Variants in PPARGC1A observed in about 807,000 individuals in gnomAD.
PPARGC1A encodes PPARG coactivator 1 alpha.
A neutral mutation model predicts 88.7 loss-of-function variants in PPARGC1A; 25 were observed. That is an observed-to-expected ratio of 0.28 (90% confidence interval 0.21 to 0.39). PPARGC1A has a LOEUF of 0.39. PPARGC1A is among the 10% of genes least tolerant of loss of function. PPARGC1A has a pLI of 1.00. For missense variants in PPARGC1A, 880 were observed against 968.7 expected (o/e 0.91, Z 1.22); for synonymous variants, 363 against 355.6 (o/e 1.02, Z -0.24).
At chr4:24,042,790 TTC>T in the PPARGC1A span, among the ~76,000 whole-genome samples, 2 of 152,232 alleles carry the variant, frequency 1.3e-5, no homozygotes, top group African/African-American at 2.4e-5. Context: ...ATATAAATTA[TTC>T]TCTTTTTTAG....
At chr4:24,255,614 C>T in the PPARGC1A span, among the ~76,000 whole-genome samples, 2 of 152,160 alleles carry the variant, frequency 1.3e-5, no homozygotes, top group Admixed American at 6.5e-5. Context: ...AGAAGCTATA[C>T]CTGTATTTTC....
At chr4:24,450,986 T>G in the PPARGC1A span, among the ~76,000 whole-genome samples, 15 of 152,184 alleles carry the variant, frequency 9.9e-5, no homozygotes, top group Admixed American at 6.5e-4. Context: ...CTCTTCTGAG[T>G]CTGCTCAAAG....
chr4:23,868,570 T>A lies in PPARGC1A; in HGVS notation c.234+16182A>T, dbSNP rs1712567554. Among the ~76,000 whole-genome samples the A allele has an allele frequency of 3.3e-5, 5 of 152,318 alleles. 1 individual carries two copies. The South Asian group carries it at 1.0e-3, about 32-fold the overall frequency. The stretch of plus-strand genomic sequence containing the variant: ...AGGTCCCTCTTTCCCTCATGCAGTT[T>A]ATAATGCACCTTGAGAGATTTAGCC... On this transcript the variant is annotated intron_variant, in intron 2 of 12. Coordinates refer to ENST00000264867, the MANE Select transcript of PPARGC1A (RefSeq NM_013261.5).
At chr4:24,046,501 T>C in the PPARGC1A span, among the ~76,000 whole-genome samples, 13 of 152,146 alleles carry the variant, frequency 8.5e-5, no homozygotes, top group Admixed American at 8.5e-4. Context: ...TGGGGACCCT[T>C]CCATCCTTCT....
At chr4:23,901,986 A>G (rs776338565), upstream of PPARGC1A, among the ~76,000 whole-genome samples, 11 of 152,194 alleles carry the variant, frequency 7.2e-5, no homozygotes, top group Admixed American at 1.3e-4. Context: ...AGCCACATAT[A>G]TGGCTACTGA....
chr4:23,939,794 C>T, the PPARGC1A span, among the ~76,000 whole-genome samples: 1 of 152,112 alleles, frequency 6.6e-6, no homozygotes, highest in Non-Finnish European at 1.5e-5. Flanking sequence ...AGTGATATTA[C>T]CCTAGGTTTA....
chr4:24,253,736 T>TC, the PPARGC1A span, among the ~76,000 whole-genome samples: 2 of 56,428 alleles, frequency 3.5e-5, no homozygotes, highest in Admixed American at 1.4e-4. Context: ...CTCACTTGCC[T>TC]AGTGCCAGCC....
the PPARGC1A span, among the ~76,000 whole-genome samples, chr4:24,148,241 G>A: frequency 6.6e-6 from 1 of 152,112 alleles, no homozygotes; most frequent in Non-Finnish European, 1.5e-5. Context: ...ACCTGCTTTG[G>A]ATCTAAGATG....
At chr4:23,951,066 T>A in the PPARGC1A span, among the ~76,000 whole-genome samples, 1 of 152,148 alleles carries the variant, frequency 6.6e-6, no homozygotes, top group Non-Finnish European at 1.5e-5. Context: ...GACGATTTGC[T>A]ACATGCCAGA....
chr4:24,388,840 G>C, the PPARGC1A span, among the ~76,000 whole-genome samples: 1 of 152,026 alleles, frequency 6.6e-6, no homozygotes, highest in Non-Finnish European at 1.5e-5. Context: ...GCTAGGGGAG[G>C]GATAGCATTA....
chr4:23,807,431 G>C (rs1022748527), intron 10 of PPARGC1A, among the ~76,000 whole-genome samples: 2 of 152,150 alleles, frequency 1.3e-5, no homozygotes, highest in African/African-American at 4.8e-5. Context: ...TAGTGTCTAA[G>C]TCTGGTTAAT....
chr4:23,951,001 G>A, the PPARGC1A span, among the ~76,000 whole-genome samples: 1 of 152,076 alleles, frequency 6.6e-6, no homozygotes, highest in Non-Finnish European at 1.5e-5. Context: ...TCTCTGCTTT[G>A]GGGGAAATGC....
the PPARGC1A span, among the ~76,000 whole-genome samples, chr4:24,292,374 A>T: frequency 2.0e-5 from 3 of 151,894 alleles, no homozygotes; most frequent in Non-Finnish European, 2.9e-5. Context: ...TCAATTATGA[A>T]TAAGCTGGTA....
chr4:24,069,373 G>T, the PPARGC1A span, among the ~76,000 whole-genome samples: 1 of 152,172 alleles, frequency 6.6e-6, no homozygotes. Context: ...GTCTCTCCCA[G>T]CCCTACCCAT....
the PPARGC1A span, among the ~76,000 whole-genome samples, chr4:24,199,389 A>T: frequency 1.3e-5 from 2 of 152,154 alleles, no homozygotes; most frequent in African/African-American, 4.8e-5. Flanking sequence ...AATAATAATA[A>T]TACGTGATAA....
intron 2 of PPARGC1A, among the ~76,000 whole-genome samples, chr4:23,845,747 C>T (rs1222540534): frequency 6.6e-6 from 1 of 152,074 alleles, no homozygotes; most frequent in Non-Finnish European, 1.5e-5. Flanking sequence ...AAATGCTTGC[C>T]GAACAAATAC....
At chr4:24,335,715 C>A in the PPARGC1A span, among the ~76,000 whole-genome samples, 1 of 152,146 alleles carries the variant, frequency 6.6e-6, no homozygotes, top group Admixed American at 6.5e-5. Context: ...TGGGTCTAGA[C>A]AACAGGCCCA....
At chr4:24,178,730 G>A in the PPARGC1A span, among the ~76,000 whole-genome samples, 229 of 152,318 alleles carry the variant, frequency 1.5e-3, no homozygotes, top group African/African-American at 5.3e-3. Flanking sequence ...GCATTTGAGT[G>A]CTGAGCTTTG....
At chr4:23,960,017 C>A in the PPARGC1A span, among the ~76,000 whole-genome samples, 2 of 152,114 alleles carry the variant, frequency 1.3e-5, no homozygotes, top group African/African-American at 4.8e-5. Flanking sequence ...GACTAATGAG[C>A]TAATAAATTA....
Sources: allele counts gnomAD v4.1 joint callset (sites outside exome capture counted in the v4.1 genomes callset), GRCh38; gene constraint gnomAD v4.1.1; transcripts MANE v1.5; gene names NCBI Gene and HGNC (gene_info 2026-07-23, HGNC 2026-07-21).